Variants in ITGA9 observed in about 807,000 individuals in gnomAD.
The protein encoded by ITGA9 is integrin alpha-9.
A neutral mutation model predicts 127.8 loss-of-function variants in ITGA9; 56 were observed. That is an observed-to-expected ratio of 0.44 (90% confidence interval 0.35 to 0.55). The LOEUF is 0.55. ITGA9 is among the 20% of genes least tolerant of loss of function. The pLI is 0.00. For synonymous variants in ITGA9, 508 were observed against 514.5 expected, an observed-to-expected ratio of 0.99 and a Z score of 0.17; for missense variants, 1,196 against 1,347.1, an observed-to-expected ratio of 0.89 and a Z score of 1.76.
chr3:37,715,123 C>G (rs1307195434), intron 18 of ITGA9, among the ~76,000 whole-genome samples: 1 of 152,204 alleles, frequency 6.6e-6, no homozygotes, highest in Middle Eastern at 3.2e-3. Flanking sequence ...AATGTTGAGG[C>G]AGCCCACCCA....
At chr3:37,557,099 A>G (rs1313623536) in intron 15 of ITGA9, among the ~76,000 whole-genome samples, 3 of 152,112 alleles carry the variant, frequency 2.0e-5, no homozygotes, top group Non-Finnish European at 4.4e-5. Context: ...TCAGAAATCT[A>G]TTTCCCCTTC....
At chr3:37,758,142 T>C (rs1696676843) in intron 23 of ITGA9, among the ~76,000 whole-genome samples, 1 of 148,856 alleles carries the variant, frequency 6.7e-6, no homozygotes, top group Non-Finnish European at 1.5e-5. Flanking sequence ...GCTAACAAGG[T>C]GAAACCCCGT....
intron 20 of ITGA9, among the ~76,000 whole-genome samples, chr3:37,740,476 T>G (rs1045813160): frequency 2.6e-5 from 4 of 152,208 alleles, no homozygotes; most frequent in Non-Finnish European, 5.9e-5. Context: ...TTCCTTCTCC[T>G]CCCTTCTTCT....
intron 15 of ITGA9, among the ~76,000 whole-genome samples, chr3:37,582,610 C>T (rs936316143): frequency 4.6e-5 from 7 of 152,312 alleles, no homozygotes; most frequent in Admixed American, 1.3e-4. Context: ...ATTGATGGCA[C>T]ATTTGATGAC....
chr3:37,736,846 A>C, intron 19 of ITGA9, 58 bp from the exon 20 acceptor site: 2 of 1,084,258 alleles, frequency 1.8e-6, no homozygotes, highest in Non-Finnish European at 2.9e-6. Context: ...AAGATGGAAG[A>C]GAACAGTTTA....
chr3:37,751,029 C>T (rs1178041866), intron 23 of ITGA9, among the ~76,000 whole-genome samples: 1 of 152,174 alleles, frequency 6.6e-6, no homozygotes, highest in Non-Finnish European at 1.5e-5. Context: ...GCAGCAAGGC[C>T]CATATGGAGC....
At chr3:37,628,033 A>G (rs951732151) in intron 15 of ITGA9, among the ~76,000 whole-genome samples, 2 of 152,102 alleles carry the variant, frequency 1.3e-5, no homozygotes, top group Non-Finnish European at 2.9e-5. Context: ...CTTTGAACAC[A>G]GTGCTACTCT....
chr3:37,789,768 CAAAAAAAAA>C (rs71635850), intron 26 of ITGA9, among the ~76,000 whole-genome samples: 5 of 35,686 alleles, frequency 1.4e-4, no homozygotes, highest in African/African-American at 3.8e-4. Context: ...GACTCCGTCT[CAAAAAAAAA>C]AAAAAAAAAA....
intron 16 of ITGA9, among the ~76,000 whole-genome samples, chr3:37,650,970 C>T (rs575701068): frequency 6.6e-6 from 1 of 152,250 alleles, no homozygotes; most frequent in Non-Finnish European, 1.5e-5. Context: ...GAAGAAAAGT[C>T]AATTTTCTTA....
intron 1 of ITGA9, among the ~76,000 whole-genome samples, chr3:37,467,830 T>G (rs1698387505): frequency 6.6e-6 from 1 of 152,190 alleles, no homozygotes; most frequent in Admixed American, 6.5e-5. Context: ...TGAGGATGTT[T>G]CAGCAGTTTA....
intron 17 of ITGA9, among the ~76,000 whole-genome samples, chr3:37,657,447 A>C (rs1299274430): frequency 6.6e-6 from 1 of 152,012 alleles, no homozygotes; most frequent in Non-Finnish European, 1.5e-5. Flanking sequence ...GAATTTATCC[A>C]TTTCTTCTAG....
chr3:37,522,985 G>T (rs17036559), intron 11 of ITGA9, among the ~76,000 whole-genome samples: 6,891 of 152,232 alleles, frequency 0.045, 439 homozygotes, highest in African/African-American at 0.15. Context: ...AGATCATCTG[G>T]TTGGCTGGAT....
rs370092873 is a variant in ITGA9 at position 37,760,072 on chromosome 3, T to C, written c.2541+9503T>C. 9.9e-5 allele frequency among the ~76,000 whole-genome samples: 15 copies of C among 151,412 alleles called. No individual in the cohort carries two copies. The South Asian group carries it at 2.3e-3, about 23-fold the overall frequency. ...CCATCTCTACCAAAAATACAAAAAATTAGCTGGGAGTGGTGGCAGATGCCT... is the reference window on the plus strand; with the variant it reads ...CCATCTCTACCAAAAATACAAAAAACTAGCTGGGAGTGGTGGCAGATGCCT... On this transcript the variant is annotated intron_variant, in intron 23 of 27. Transcript: ENST00000264741.
chr3:37,652,126 GA>G (rs199904363), intron 16 of ITGA9, among the ~76,000 whole-genome samples: 24,922 of 143,930 alleles, frequency 0.17, 2,228 homozygotes, highest in East Asian at 0.24. Flanking sequence ...GGTCTTGAAG[GA>G]AAAAAAAAAA....
intron 18 of ITGA9, among the ~76,000 whole-genome samples, chr3:37,713,160 G>A (rs1042890285): frequency 6.6e-6 from 1 of 152,118 alleles, no homozygotes; most frequent in Non-Finnish European, 1.5e-5. Flanking sequence ...CAGTGGCGTG[G>A]GATGATGGCT....
intron 1 of ITGA9, among the ~76,000 whole-genome samples, chr3:37,453,018 G>A (rs1698213815): frequency 1.3e-5 from 2 of 152,294 alleles, no homozygotes; most frequent in Admixed American, 6.5e-5. Context: ...CCCTGAGGAA[G>A]GAGTATAGCC....
intron 1 of ITGA9, among the ~76,000 whole-genome samples, chr3:37,457,848 C>A (rs1698277676): frequency 6.6e-6 from 1 of 152,160 alleles, no homozygotes; most frequent in African/African-American, 2.4e-5. Context: ...CAGTGGAGAA[C>A]CTTCCAGGGC....
rs111970177 is a variant in ITGA9, at chr3:37,697,182, T to C, written c.2067+13167T>C. 2.6e-3 allele frequency among the ~76,000 whole-genome samples: 390 copies of C among 152,228 alleles called. 1 individual carries two copies. The highest frequency in any genetic ancestry group is 8.9e-3 in the African/African-American group (369 of 41,524). On this transcript the variant is annotated intron_variant, in intron 18 of 27. Coordinates refer to ENST00000264741, the MANE Select transcript of ITGA9 (RefSeq NM_002207.3). ...CTAGAGACTCGATTGTACTCAGACT[T>C]GCTGTATTACCAACAGGTAATGTAC...
At chr3:37,527,463 A>G (rs1366068) in intron 13 of ITGA9, among the ~76,000 whole-genome samples, 58,149 of 152,114 alleles carry the variant, frequency 0.38, 13,032 homozygotes, top group East Asian at 0.72. Flanking sequence ...TGTCTTTTAT[A>G]TAGCAACCCT....
Sources: gnomAD v4.1 joint callset for allele counts (sites outside exome capture counted in the v4.1 genomes callset) on GRCh38, gnomAD v4.1.1 for gene constraint, MANE v1.5 for transcripts, NCBI Gene and HGNC (gene_info 2026-07-23, HGNC 2026-07-21) for gene names.